The following ACSL3 variants were observed in gnomAD, a reference collection of about 807,000 sequenced individuals.
The protein encoded by ACSL3 is fatty acid CoA ligase Acsl3.
In ACSL3, 34 loss-of-function variants were observed where a neutral mutation model predicts 84.7. The ratio of observed to expected loss-of-function variants is 0.40; its 90% CI spans 0.31 to 0.53. The LOEUF (loss-of-function observed/expected upper bound fraction) is 0.53. Ranked by LOEUF, ACSL3 falls within the 20% of genes least tolerant of loss-of-function variation. The pLI, the probability that ACSL3 is intolerant of heterozygous loss-of-function variation, is 0.48. For missense variants in ACSL3, 680 were observed against 873.1 expected (o/e 0.78, Z 2.79); for synonymous variants, 315 against 299.4 (o/e 1.05, Z -0.54).
At chr2:222,922,433 C>A (rs1696764617) in intron 8 of ACSL3, among the ~76,000 whole-genome samples, 1 of 152,324 alleles carries the variant, frequency 6.6e-6, no homozygotes, top group South Asian at 2.1e-4. Context: ...TTCCTGAGTG[C>A]TTTTAAGTAG....
intron 8 of ACSL3, among the ~76,000 whole-genome samples, 162 bp from the exon 9 acceptor site, chr2:222,922,546 T>C (rs1280563580): frequency 2.9e-5 from 3 of 104,018 alleles, no homozygotes; most frequent in African/African-American, 1.2e-4. Flanking sequence ...TATCCTCTGT[T>C]TTCACCTGTC....
chr2:222,865,204 T>G (rs1421440560), intron 1 of ACSL3, among the ~76,000 whole-genome samples: 1 of 152,218 alleles, frequency 6.6e-6, no homozygotes, highest in Non-Finnish European at 1.5e-5. Flanking sequence ...GTGCCTTAAT[T>G]CTTTTAATTT....
intron 8 of ACSL3, among the ~76,000 whole-genome samples, chr2:222,922,392 C>CTGTTTCTTGTT (rs1400146760): frequency 6.6e-6 from 1 of 152,196 alleles, no homozygotes; most frequent in Non-Finnish European, 1.5e-5. Context: ...GTTTCTTGTG[C>CTGTTTCTTGTT]CTCAGTACTT....
intron 1 of ACSL3, among the ~76,000 whole-genome samples, chr2:222,878,447 G>A (rs1695510247): frequency 6.6e-6 from 1 of 152,180 alleles, no homozygotes; most frequent in African/African-American, 2.4e-5. Context: ...CGCCTTCTCT[G>A]CAGCCTTGTT....
chr2:222,871,022 A>G (rs1039856139), intron 1 of ACSL3, among the ~76,000 whole-genome samples: 2 of 152,152 alleles, frequency 1.3e-5, no homozygotes, highest in African/African-American at 2.4e-5. Flanking sequence ...ATAGTTAAGG[A>G]TACAGTTGAA....
intron 13 of ACSL3, 132 bp from the exon 14 acceptor site, chr2:222,930,489 C>A: frequency 2.9e-6 from 2 of 680,686 alleles, no homozygotes; most frequent in South Asian, 3.3e-5. Flanking sequence ...TTTGTTCATT[C>A]ATAGTGTCTG....
At chr2:222,911,572 T>G (rs1329389930) in intron 4 of ACSL3, among the ~76,000 whole-genome samples, 1 of 152,226 alleles carries the variant, frequency 6.6e-6, no homozygotes, top group Non-Finnish European at 1.5e-5. Flanking sequence ...GGAAGCTTCG[T>G]TTTTCTCCGG....
chr2:222,935,508 C>T (rs1697148670), intron 16 of ACSL3, among the ~76,000 whole-genome samples: 1 of 152,158 alleles, frequency 6.6e-6, no homozygotes, highest in African/African-American at 2.4e-5. Flanking sequence ...ATGCCAGGCT[C>T]CAGCATTTAC....
rs1432783410 is a variant in ACSL3, at chr2:222,942,506, C to T, written c.*852C>T. 6 of 192,888 alleles carry T rather than the reference C, an allele frequency of 3.1e-5. No homozygotes were observed. Among genetic ancestry groups the T allele is most frequent in the Non-Finnish European group, 1.1e-5 (1 of 92,460 alleles). The allele number at this position is 192,888 out of a possible 1,614,324, so 11.9% of individuals were successfully genotyped here. A position where few individuals can be genotyped will look rare whatever the true frequency, so the allele number is the denominator to read the frequency against. Reference sequence around the variant, plus strand: ...GAAAGAGAGGATAGAATTTAAAGAACAAGAGTATATAAAGTTATTCTTTGA... The same window carrying T: ...GAAAGAGAGGATAGAATTTAAAGAATAAGAGTATATAAAGTTATTCTTTGA... On this transcript the variant is annotated 3_prime_UTR_variant, in exon 17 of 17. Transcript: ENST00000357430.
intron 6 of ACSL3, 120 bp from the exon 7 acceptor site, chr2:222,918,944 C>A: frequency 2.5e-6 from 3 of 1,207,514 alleles, no homozygotes; most frequent in South Asian, 3.2e-5. Context: ...TGTACCCTTT[C>A]TTCTTTCTTT....
At position 222,921,427 on chromosome 2, in the gene ACSL3, T is replaced by G. The variant is rs776815801; in HGVS notation, c.953T>G (p.Leu318Arg). ...ITGMAERIPE[L>R]GEEDVYIGYL... ...GGGATGGCAGAAAGGATTCCAGAACTAGGGTATGTCATAGTAAAGTAACAT... is the reference window on the plus strand; with the variant it reads ...GGGATGGCAGAAAGGATTCCAGAACGAGGGTATGTCATAGTAAAGTAACAT... Residue 318 changes from leucine to arginine, a missense_variant, in exon 8 of 17, where the codon CTA becomes CGA. By Grantham distance (102) the Leu-to-Arg change is moderately radical. Around this residue, in one of 2 missense-constraint regions of ACSL3, gnomAD observed 347 missense variants for 525.7 expected, o/e 0.66. Coordinates refer to ENST00000357430, the MANE Select transcript of ACSL3 (RefSeq NM_004457.5). The G allele has an allele frequency of 1.9e-6, 3 of 1,583,522 alleles. No individual in the cohort carries two copies. The highest frequency in any genetic ancestry group is 3.4e-5 in the Admixed American group (2 of 59,662).
rs1697403868 is a variant in ACSL3 at position 222,944,276 on chromosome 2, T to C, written c.*2622T>C. On this transcript the variant is annotated 3_prime_UTR_variant, in exon 17 of 17. Coordinates refer to ENST00000357430, the MANE Select transcript of ACSL3 (RefSeq NM_004457.5). ...ATAACTTACTTGTTTGCTGCTAAAA[T>C]ACTCAAGATTTTGCCATTTTTAAAC... 1 of 152,180 alleles carries C rather than the reference T, an allele frequency of 6.6e-6. No homozygotes were observed. Among genetic ancestry groups the C allele is most frequent in the African/African-American group, 2.4e-5 (1 of 41,454 alleles). 9.4% of individuals were successfully genotyped at this position (152,180 alleles called of 1,614,324 possible).
chr2:222,866,114 C>A (rs1265040879), intron 1 of ACSL3, among the ~76,000 whole-genome samples: 1 of 151,828 alleles, frequency 6.6e-6, no homozygotes, highest in Non-Finnish European at 1.5e-5. Flanking sequence ...TGGCCAAATG[C>A]TGTTCTAATT....
At chr2:222,918,209 A>T in intron 6 of ACSL3, 54 bp downstream of exon 6, 1 of 1,202,774 alleles carries the variant, frequency 8.3e-7, no homozygotes, top group Non-Finnish European at 1.2e-6. Flanking sequence ...TTTCAGTGTC[A>T]TGAGCCCTAT....
At chr2:222,920,112 A>G (rs1696693107) in intron 7 of ACSL3, among the ~76,000 whole-genome samples, 1 of 152,208 alleles carries the variant, frequency 6.6e-6, no homozygotes, top group South Asian at 2.1e-4. Flanking sequence ...GGCTGCATGC[A>G]GAGGTCAGAT....
intron 1 of ACSL3, among the ~76,000 whole-genome samples, chr2:222,882,759 CTG>C (rs1347047174): frequency 1.6e-5 from 1 of 60,996 alleles, no homozygotes; most frequent in African/African-American, 7.6e-5. Context: ...CTCCAGATCA[CTG>C]TTTTTTTTTT....
At chr2:222,873,880 G>A (rs116419537) in intron 1 of ACSL3, among the ~76,000 whole-genome samples, 13,127 of 152,174 alleles carry the variant, frequency 0.086, 688 homozygotes, top group Non-Finnish European at 0.12. Flanking sequence ...CACAGAAGTG[G>A]AATTGTTTGG....
At position 222,919,086 on chromosome 2, in the gene ACSL3, G is replaced by T. The variant is rs748604442; in HGVS notation, c.689G>T (p.Arg230Leu). 5.0e-6 allele frequency: 8 copies of T among 1,613,784 alleles called. No homozygotes were observed. Among genetic ancestry groups the T allele is most frequent in the Non-Finnish European group, 5.9e-6 (7 of 1,179,886 alleles). The change falls in exon 7 of 17, where the codon CGC (arginine) becomes CTC (leucine). Residue 230 changes from arginine (R) to leucine (L), a missense_variant. By Grantham distance (102) the Arg-to-Leu change is moderately radical (BLOSUM62 -2). This residue lies in a region of ACSL3 where 333 missense variants were observed against 347.5 expected (regional missense o/e 0.96). Transcript: ENST00000357430. ...KLKDIVSLVP[R>L]LRHIITVDGK... ...TAGGATATAGTTTCTTTGGTCCCAC[G>T]CCTGCGGCACATCATCACTGTTGAT...
At chr2:222,881,850 T>A (rs1424357090) in intron 1 of ACSL3, among the ~76,000 whole-genome samples, 1 of 152,228 alleles carries the variant, frequency 6.6e-6, no homozygotes, top group African/African-American at 2.4e-5. Context: ...TGCTCACACC[T>A]TTCCCCTCCT....
Sources: allele counts gnomAD v4.1 joint callset (sites outside exome capture counted in the v4.1 genomes callset), GRCh38; gene constraint gnomAD v4.1.1; regional missense constraint gnomAD v4.1.1; transcripts MANE v1.5; gene names NCBI Gene and HGNC (gene_info 2026-07-23, HGNC 2026-07-21).